Variants in C6 observed in about 807,000 individuals in gnomAD.
C6 encodes the protein complement C6, also known as complement component C6.
A neutral mutation model predicts 112.9 loss-of-function variants in C6; 101 were observed. The observed-to-expected ratio is 0.89, with a 90% CI of 0.76 to 1.06. The LOEUF (loss-of-function observed/expected upper bound fraction) is 1.06. C6 is among the 50% of genes least tolerant of loss of function. The probability of loss-of-function intolerance (pLI) is 0.00; values close to 1 mark genes in which losing one functional copy is unlikely to be tolerated. For synonymous variants in C6, 431 were observed against 384.1 expected (o/e 1.12, Z -1.43); for missense variants, 1,202 against 1,104.6 (o/e 1.09, Z -1.25).
Position 41,142,897 on chromosome 5 carries a change from G to A in C6, c.2733C>T (p.Ile911=). 1 of 1,613,478 alleles carries A rather than the reference G, an allele frequency of 6.2e-7. No individual in the cohort carries two copies. Among genetic ancestry groups the A allele is most frequent in the South Asian group, 1.1e-5 (1 of 91,074 alleles). Residue 911 remains isoleucine (I), a synonymous_variant, in exon 18 of 18, where the codon ATC becomes ATT. Coordinates refer to ENST00000337836, the MANE Select transcript of C6 (RefSeq NM_000065.5). ...GSSTSEKTLN[I]CEVGTIRCAN... ...CACATCTTATAGTTCCCACTTCACA[G>A]ATGTTCAATGTTTTCTCACTTGTTG...
In C6 at chr5:41,149,343, G is replaced by A. The variant is rs187593836; in HGVS notation, c.2521C>T (p.Arg841Cys). The change falls in exon 17 of 18, where the codon CGC becomes TGC. Residue 841 changes from arginine (R) to cysteine (C), a missense_variant. By Grantham distance (180) the Arg-to-Cys change is radical. Coordinates refer to ENST00000337836, the MANE Select transcript of C6 (RefSeq NM_000065.5). ...CTTTCAAGACCCCATTCTAACTGGCGGCCGTCTTGGCAGGAACCAATATGT... is the reference window on the plus strand; with the variant it reads ...CTTTCAAGACCCCATTCTAACTGGCAGCCGTCTTGGCAGGAACCAATATGT... ...FLHIGSCQDG[R>C]QLEWGLERTR... is the part of the protein sequence containing the mutation. 3.5e-5 allele frequency: 57 copies of A among 1,613,974 alleles called. No individual in the cohort carries two copies. Among genetic ancestry groups the A allele is most frequent in the African/African-American group, 2.3e-4 (17 of 74,988 alleles).
intron 12 of C6, 53 bp downstream of exon 12, chr5:41,159,029 G>T: frequency 2.0e-6 from 3 of 1,531,088 alleles, no homozygotes; most frequent in Non-Finnish European, 1.8e-6. Context: ...AACTCTCAAT[G>T]TTATTGAGAG....
intron 12 of C6, 121 bp downstream of exon 12, chr5:41,158,961 T>A: frequency 2.3e-6 from 3 of 1,292,316 alleles, no homozygotes; most frequent in Non-Finnish European, 3.4e-6. Context: ...ATATTCTGTG[T>A]TGGCATAGGT....
At chr5:41,258,747 T>C (rs1269772370) in intron 1 of C6, among the ~76,000 whole-genome samples, 1 of 152,166 alleles carries the variant, frequency 6.6e-6, no homozygotes, top group Admixed American at 6.6e-5. Flanking sequence ...ATCACATAGC[T>C]GGGGAGACCT....
chr5:41,181,338 G>C (rs766373460), intron 7 of C6, 21 bp downstream of exon 7: 1 of 1,605,756 alleles, frequency 6.2e-7, no homozygotes, highest in Non-Finnish European at 8.5e-7. Context: ...AGAATAAAAG[G>C]TTGGAAACCA....
intron 1 of C6, among the ~76,000 whole-genome samples, chr5:41,211,263 G>A (rs191367262): frequency 1.3e-5 from 2 of 152,024 alleles, no homozygotes; most frequent in Non-Finnish European, 2.9e-5. Context: ...GAGAGGCATA[G>A]CATTAGGACA....
chr5:41,181,298 A>C, intron 7 of C6, 61 bp downstream of exon 7: 1 of 1,421,964 alleles, frequency 7.0e-7, no homozygotes, highest in Non-Finnish European at 9.9e-7. Context: ...TTATTGCATG[A>C]TTACTGGAAT....
intron 1 of C6, among the ~76,000 whole-genome samples, chr5:41,208,799 G>A (rs1751649946): frequency 6.6e-6 from 1 of 152,152 alleles, no homozygotes; most frequent in Non-Finnish European, 1.5e-5. Flanking sequence ...GGTACAAGGA[G>A]GAGCTGGTAC....
intron 17 of C6, among the ~76,000 whole-genome samples, chr5:41,144,875 G>A (rs78625905): frequency 0.038 from 5,755 of 152,220 alleles, 369 homozygotes; most frequent in African/African-American, 0.13. Context: ...TTAGGATAAT[G>A]GCTTCCAGCT....
intron 2 of C6, among the ~76,000 whole-genome samples, chr5:41,202,422 G>T (rs565053179): frequency 6.6e-6 from 1 of 152,112 alleles, no homozygotes; most frequent in African/African-American, 2.4e-5. Context: ...GTTTATTGGG[G>T]AAGTAAATTG....
chr5:41,178,299 ACTG>A (rs754121645), intron 7 of C6, among the ~76,000 whole-genome samples: 2,798 of 152,234 alleles, frequency 0.018, 27 homozygotes, highest in Non-Finnish European at 0.024. Flanking sequence ...TTGGAAACAG[ACTG>A]TTTGTCCAAC....
chr5:41,256,153 G>A (rs1020043361), intron 1 of C6, among the ~76,000 whole-genome samples: 1 of 152,016 alleles, frequency 6.6e-6, no homozygotes, highest in Non-Finnish European at 1.5e-5. Flanking sequence ...ATTCCATGGT[G>A]TATATGTGCC....
chr5:41,230,049 C>A (rs1739790340), intron 1 of C6, among the ~76,000 whole-genome samples: 1 of 152,140 alleles, frequency 6.6e-6, no homozygotes, highest in South Asian at 2.1e-4. Context: ...TTTATCACTT[C>A]CCTAATAATA....
chr5:41,151,101 G>A (rs188992453), intron 15 of C6, among the ~76,000 whole-genome samples: 1 of 152,192 alleles, frequency 6.6e-6, no homozygotes, highest in East Asian at 1.9e-4. Flanking sequence ...AGGGAGTGGT[G>A]TAACAAAATC....
At chr5:41,180,073 T>G (rs1749200044) in intron 7 of C6, among the ~76,000 whole-genome samples, 1 of 152,182 alleles carries the variant, frequency 6.6e-6, no homozygotes, top group Admixed American at 6.5e-5. Flanking sequence ...ACTCTGATAA[T>G]CTCTTAGAAT....
intron 5 of C6, among the ~76,000 whole-genome samples, chr5:41,191,282 G>T (rs1170927679): frequency 6.6e-6 from 1 of 151,940 alleles, no homozygotes; most frequent in Non-Finnish European, 1.5e-5. Flanking sequence ...GGCCAGACTT[G>T]TCTTGAACTC....
rs533228465 is a variant in C6 at position 41,209,481 on chromosome 5, C to G, written c.-21+3895G>C. ...GTATATTTAGAAAATCTCATCATCT[C>G]AGTCCAAAATCTCCTTAAGCTGATA... On this transcript the variant is annotated intron_variant, in intron 1 of 17. Coordinates refer to ENST00000337836, the MANE Select transcript of C6 (RefSeq NM_000065.5). Among the ~76,000 whole-genome samples the G allele has an allele frequency of 3.4e-3, 516 of 152,286 alleles. 1 individual carries two copies. The highest frequency in any genetic ancestry group is 0.012 in the African/African-American group (506 of 41,556).
chr5:41,216,205 T>C (rs1273370290), upstream of C6, among the ~76,000 whole-genome samples: 2 of 152,174 alleles, frequency 1.3e-5, no homozygotes, highest in Admixed American at 1.3e-4. Context: ...CATCTACTCC[T>C]CATTCACTTC....
chr5:41,193,254 A>G (rs1750356886), intron 5 of C6, among the ~76,000 whole-genome samples: 1 of 152,170 alleles, frequency 6.6e-6, no homozygotes, highest in South Asian at 2.1e-4. Flanking sequence ...GGTGACAGCT[A>G]TTTGTGGAGA....
Sources: allele counts gnomAD v4.1 joint callset (sites outside exome capture counted in the v4.1 genomes callset), GRCh38; gene constraint gnomAD v4.1.1; transcripts MANE v1.5; gene names NCBI Gene and HGNC (gene_info 2026-07-23, HGNC 2026-07-21).